The following KCND3 variants were observed in gnomAD, a reference collection of about 807,000 sequenced individuals.
KCND3 encodes the protein A-type voltage-gated potassium channel KCND3.
A neutral mutation model predicts 51.1 loss-of-function variants in KCND3; 9 were observed. The observed-to-expected ratio is 0.18, with a 90% confidence interval of 0.11 to 0.31. The LOEUF (loss-of-function observed/expected upper bound fraction) is 0.31. Ranked by LOEUF, KCND3 falls within the 10% of genes least tolerant of loss-of-function variation. KCND3 has a pLI of 1.00. For synonymous variants in KCND3, 349 were observed against 368.0 expected, an observed-to-expected ratio of 0.95 and a Z score of 0.59; for missense variants, 526 against 903.8, an observed-to-expected ratio of 0.58 and a Z score of 5.36.
intron 2 of KCND3, among the ~76,000 whole-genome samples, chr1:111,914,375 A>C (rs1363114168): frequency 1.3e-5 from 2 of 152,280 alleles, no homozygotes; most frequent in African/African-American, 4.8e-5. Context: ...ACACAGAAGA[A>C]ATATTTTAAA....
chr1:111,795,319 C>G (rs1429367698), intron 2 of KCND3, among the ~76,000 whole-genome samples: 1 of 152,158 alleles, frequency 6.6e-6, no homozygotes, highest in Non-Finnish European at 1.5e-5. Flanking sequence ...TCTTGAAGTT[C>G]CTCTGAAGAC....
Position 111,780,912 on chromosome 1 carries a change from C to G in KCND3, c.1270-121G>C. Reference sequence around the variant, plus strand: ...CCTGATGAAGGGGATGAGGCTGTTTCTCTCCAACCTCATGCATCTCCAGTT... The same window carrying G: ...CCTGATGAAGGGGATGAGGCTGTTTGTCTCCAACCTCATGCATCTCCAGTT... On this transcript the variant is annotated intron_variant, in intron 3 of 7. Coordinates refer to ENST00000302127, the MANE Select transcript of KCND3 (RefSeq NM_001378969.1). This position sits in a 1 kb window ranked among gnomAD's most constrained non-coding sequence, Gnocchi z 4.2. 3 of 789,686 alleles carry G rather than the reference C, an allele frequency of 3.8e-6. No individual in the cohort carries two copies. In the South Asian group the frequency reaches 4.4e-5, roughly 11 times the overall value. 48.9% of individuals were successfully genotyped at this position (789,686 alleles called of 1,614,324 possible). A position where few individuals can be genotyped will look rare whatever the true frequency, so the allele number is the denominator to read the frequency against.
At chr1:111,980,130 C>A (rs778384354) in intron 2 of KCND3, among the ~76,000 whole-genome samples, 1 of 152,002 alleles carries the variant, frequency 6.6e-6, no homozygotes, top group Non-Finnish European at 1.5e-5. Flanking sequence ...CCCACATCTG[C>A]CACCTGAGCC....
At chr1:111,816,188 C>A (rs896392879) in intron 2 of KCND3, among the ~76,000 whole-genome samples, 5 of 152,248 alleles carry the variant, frequency 3.3e-5, no homozygotes, top group African/African-American at 9.6e-5. Context: ...AGGAGGCAAA[C>A]CCCTACCACA....
intron 2 of KCND3, among the ~76,000 whole-genome samples, chr1:111,820,820 C>G (rs1666310262): frequency 6.6e-6 from 1 of 152,192 alleles, no homozygotes; most frequent in Non-Finnish European, 1.5e-5. Flanking sequence ...AAGCTGGACA[C>G]AGACACAGGG....
chr1:111,932,934 C>T (rs1340250001), intron 2 of KCND3, among the ~76,000 whole-genome samples: 1 of 152,164 alleles, frequency 6.6e-6, no homozygotes, highest in African/African-American at 2.4e-5. Context: ...TTTCATTCAT[C>T]AGCAAACATT....
At chr1:111,899,390 A>C (rs2101786180) in intron 2 of KCND3, among the ~76,000 whole-genome samples, 1 of 152,338 alleles carries the variant, frequency 6.6e-6, no homozygotes, top group South Asian at 2.1e-4. Context: ...AATGAGCATC[A>C]ATTTGAAAAT....
In KCND3 at chr1:111,778,575, C is replaced by G; in HGVS notation, c.1462-83G>C. 6 of 1,298,642 alleles carry G rather than the reference C, an allele frequency of 4.6e-6. No individual in the cohort carries two copies. In the Admixed American group the frequency reaches 5.1e-5, roughly 11 times the overall value. 80.4% of individuals were successfully genotyped at this position (1,298,642 alleles called of 1,614,324 possible). A position where few individuals can be genotyped will look rare whatever the true frequency, so the allele number is the denominator to read the frequency against. ...TCCCAAGCCAGTTTTGACATTCAAT[C>G]TCTTGATCCCGGCATTCCACCCTTT... On this transcript the variant is annotated intron_variant, in intron 5 of 7. Coordinates refer to ENST00000302127, the MANE Select transcript of KCND3 (RefSeq NM_001378969.1).
chr1:111,852,244 C>A (rs1396809528), intron 2 of KCND3, among the ~76,000 whole-genome samples: 3 of 152,190 alleles, frequency 2.0e-5, no homozygotes, highest in Non-Finnish European at 4.4e-5. Flanking sequence ...GGAAGGTTGG[C>A]AGGGAGAAGA....
At chr1:111,880,746 T>G (rs1669262899) in intron 2 of KCND3, among the ~76,000 whole-genome samples, 1 of 152,224 alleles carries the variant, frequency 6.6e-6, no homozygotes, top group African/African-American at 2.4e-5. Context: ...GCAGTGTGCC[T>G]TCGCTCCTGC....
intron 2 of KCND3, among the ~76,000 whole-genome samples, chr1:111,902,497 A>T (rs1034635191): frequency 1.3e-5 from 2 of 152,174 alleles, no homozygotes; most frequent in African/African-American, 4.8e-5. Flanking sequence ...CCACACTCCT[A>T]TGTGGAGCCA....
intron 2 of KCND3, among the ~76,000 whole-genome samples, chr1:111,938,752 A>G (rs1026423098): frequency 2.0e-5 from 3 of 152,222 alleles, no homozygotes; most frequent in Non-Finnish European, 2.9e-5. Flanking sequence ...CCAGGACTGC[A>G]CAGAGCAAGA....
At chr1:111,787,646 G>A (rs1336044806) in intron 2 of KCND3, among the ~76,000 whole-genome samples, 1 of 152,174 alleles carries the variant, frequency 6.6e-6, no homozygotes, top group Non-Finnish European at 1.5e-5. Context: ...AGCGTCTGAC[G>A]GGCCATGGGG....
chr1:111,882,639 C>A (rs189695043), intron 2 of KCND3, among the ~76,000 whole-genome samples: 1 of 151,288 alleles, frequency 6.6e-6, no homozygotes, highest in East Asian at 1.9e-4. Context: ...GTGCAGGGGG[C>A]GAGGGTGTGG....
At chr1:111,852,004 G>A (rs1571740397) in intron 2 of KCND3, among the ~76,000 whole-genome samples, 1 of 152,210 alleles carries the variant, frequency 6.6e-6, no homozygotes, top group African/African-American at 2.4e-5. Flanking sequence ...AATCTCTACA[G>A]CTGCCACTGT....
chr1:111,975,995 C>G (rs1674605440), intron 2 of KCND3, among the ~76,000 whole-genome samples: 1 of 152,194 alleles, frequency 6.6e-6, no homozygotes, highest in South Asian at 2.1e-4. Flanking sequence ...CCCCCACACT[C>G]AGCACTCCAT....
In KCND3 at chr1:111,772,077, T is replaced by C. The variant is rs1663949218; in HGVS notation, c.*4000A>G. Reference sequence around the variant, plus strand: ...TGTCTTAAGTCCTGGATTGCAATAATGGTTCTGCCACTAACTTGTCATGTG... The same window carrying C: ...TGTCTTAAGTCCTGGATTGCAATAACGGTTCTGCCACTAACTTGTCATGTG... On this transcript the variant is annotated 3_prime_UTR_variant, in exon 8 of 8. Transcript: ENST00000302127. 6.6e-6 allele frequency: 1 copy of C among 152,200 alleles called. No homozygotes were observed. Among genetic ancestry groups the C allele is most frequent in the South Asian group, 2.1e-4 (1 of 4,830 alleles). 9.4% of individuals were successfully genotyped at this position (152,200 alleles called of 1,614,324 possible). A position where few individuals can be genotyped will look rare whatever the true frequency, so the allele number is the denominator to read the frequency against.
chr1:111,821,101 G>A (rs1190304071), intron 2 of KCND3, among the ~76,000 whole-genome samples: 1 of 152,180 alleles, frequency 6.6e-6, no homozygotes, highest in Non-Finnish European at 1.5e-5. Context: ...TCAAGGACAG[G>A]ATCTGTTTTT....
At chr1:111,940,671 C>A (rs2101884880) in intron 2 of KCND3, among the ~76,000 whole-genome samples, 1 of 152,290 alleles carries the variant, frequency 6.6e-6, no homozygotes, top group African/African-American at 2.4e-5. Flanking sequence ...AGTTTTGAAT[C>A]CTCTTTCATA....
Sources: allele counts gnomAD v4.1 joint callset (sites outside exome capture counted in the v4.1 genomes callset), GRCh38; gene constraint gnomAD v4.1.1; non-coding constraint Gnocchi (gnomAD v3.1); transcripts MANE v1.5; gene names NCBI Gene and HGNC (gene_info 2026-07-23, HGNC 2026-07-21).